ARHGEF11: variants seen among roughly 807,000 people sequenced by gnomAD.
ARHGEF11 encodes the protein Rho guanine nucleotide exchange factor 11.
ARHGEF11 carries 55 observed loss-of-function variants against 193.7 expected under a neutral mutation model. The ratio of observed to expected loss-of-function variants is 0.28; its 90% CI spans 0.23 to 0.36. The LOEUF is 0.36. ARHGEF11 is among the 10% of genes least tolerant of loss of function. The pLI, the probability that ARHGEF11 is intolerant of heterozygous loss-of-function variation, is 1.00. For synonymous variants in ARHGEF11, 693 were observed against 768.0 expected, an observed-to-expected ratio of 0.90 and a Z score of 1.62; for missense variants, 1,723 against 2,005.6, an observed-to-expected ratio of 0.86 and a Z score of 2.69.
At position 156,936,073 on chromosome 1, in the gene ARHGEF11, T is replaced by G. The variant is rs1296181148; in HGVS notation, c.4631-15A>C. The G allele has an allele frequency of 1.9e-6, 3 of 1,613,926 alleles. No homozygotes were observed. Among genetic ancestry groups the G allele is most frequent in the Non-Finnish European group, 2.5e-6 (3 of 1,179,876 alleles). On this transcript the variant is annotated splice_polypyrimidine_tract_variant and intron_variant, in intron 40 of 40. Transcript: ENST00000368194. The stretch of plus-strand genomic sequence containing the variant: ...GGCGTCAGAGCCTGTGGGAGGAGGA[T>G]GAAGGTGAGGAACTGGCCAGCCTGA...
At position 156,962,695 on chromosome 1, in the gene ARHGEF11, G is replaced by A. The variant is rs928463873; in HGVS notation, c.1140+508C>T. ...AGATCGAGACCATCCTGGCTAATAC[G>A]GTGAAACCCCGTCTCTACTAAAAAT... On this transcript the variant is annotated intron_variant, in intron 13 of 40. Transcript: ENST00000368194. Among the ~76,000 whole-genome samples the A allele has an allele frequency of 4.6e-5, 7 of 151,784 alleles. No homozygotes were observed. In the South Asian group the frequency reaches 1.0e-3, roughly 23 times the overall value.
At chr1:156,945,389 T>A (rs1421820796) in intron 29 of ARHGEF11, 192 bp from the exon 30 acceptor site, 1 of 596,672 alleles carries the variant, frequency 1.7e-6, no homozygotes, top group Admixed American at 3.1e-5. Flanking sequence ...CATCTTCAGG[T>A]CTCAGACAGA....
chr1:157,028,758 CA>C (rs1471088239), intron 1 of ARHGEF11, among the ~76,000 whole-genome samples: 1 of 152,102 alleles, frequency 6.6e-6, no homozygotes, highest in Non-Finnish European at 1.5e-5. Context: ...AAATAATCAA[CA>C]TAAAAAGATG....
chr1:156,956,241 C>T (rs983690196), intron 19 of ARHGEF11, among the ~76,000 whole-genome samples, 179 bp downstream of exon 19: 2 of 152,076 alleles, frequency 1.3e-5, no homozygotes, highest in South Asian at 2.1e-4. Context: ...CTCAGCCTCC[C>T]GATTAGCTGG....
At chr1:157,023,868 GA>G (rs1670305011) in intron 1 of ARHGEF11, among the ~76,000 whole-genome samples, 1 of 152,050 alleles carries the variant, frequency 6.6e-6, no homozygotes, top group South Asian at 2.1e-4. Flanking sequence ...AACCACTTTG[GA>G]AAAGTTTGGT....
chr1:157,011,976 T>C (rs1037762950), intron 1 of ARHGEF11, among the ~76,000 whole-genome samples: 1 of 152,192 alleles, frequency 6.6e-6, no homozygotes, highest in Non-Finnish European at 1.5e-5. Context: ...ATTCCACTCC[T>C]AGGTATATAC....
chr1:156,968,095 T>A lies in ARHGEF11; in HGVS notation c.855A>T (p.Ser285=). ...ESLMNRNSVL[S]DPGLDSPRTS... ...TTCGAGGACTGTCTAGCCCAGGGTC[T>A]GACAGTACCGAGTTCCGATTCATCA... is the stretch of plus-strand genomic sequence containing the variant. Residue 285 remains serine, a synonymous_variant, in exon 11 of 41, where the codon TCA becomes TCT. Coordinates refer to ENST00000368194, the MANE Select transcript of ARHGEF11 (RefSeq NM_198236.3). 1.2e-6 allele frequency: 2 copies of A among 1,613,320 alleles called. No individual in the cohort carries two copies. Among genetic ancestry groups the A allele is most frequent in the Non-Finnish European group, 1.7e-6 (2 of 1,179,378 alleles).
rs990165053 is a variant in ARHGEF11, at chr1:156,951,591, T to G, written c.1907A>C (p.Asp636Ala). The G allele has an allele frequency of 3.1e-6, 5 of 1,613,920 alleles. No homozygotes were observed. The Middle Eastern group carries it at 5.0e-4, about 160-fold the overall frequency. Residue 636 changes from aspartate to alanine, a missense_variant, in exon 22 of 41, where the codon GAC (aspartate) becomes GCC (alanine). Coordinates refer to ENST00000368194, the MANE Select transcript of ARHGEF11 (RefSeq NM_198236.3). ...QRLSTGSFPE[D>A]LLESDSSRSE... The stretch of plus-strand genomic sequence containing the variant: ...GTGCTACCTGTCACTCTCCAGCAGG[T>G]CCTCAGGAAAGCTTCCGGTCGAGAG...
In ARHGEF11 at chr1:156,958,883, G is replaced by A. The variant is rs1660350494; in HGVS notation, c.1380-19C>T. 2 of 1,613,868 alleles carry A rather than the reference G, an allele frequency of 1.2e-6. No homozygotes were observed. The highest frequency in any genetic ancestry group is 1.7e-5 in the Admixed American group (1 of 59,952). ...CTTCGTTCTAAGCCAGATAAACACAGGGAAAGAAAGAAATATACACAAATA... is the reference window on the plus strand; with the variant it reads ...CTTCGTTCTAAGCCAGATAAACACAAGGAAAGAAAGAAATATACACAAATA... On this transcript the variant is annotated intron_variant, in intron 16 of 40. Coordinates refer to ENST00000368194, the MANE Select transcript of ARHGEF11 (RefSeq NM_198236.3).
intron 1 of ARHGEF11, among the ~76,000 whole-genome samples, chr1:157,013,300 C>CACACACACACACACACACACACACACACA (rs1553228482): frequency 3.6e-4 from 48 of 133,892 alleles, no homozygotes; most frequent in African/African-American, 6.9e-4. Context: ...CACACACACA[C>CACACACACACACACACACACACACACACA]CAAGAACCTT....
chr1:156,955,322 C>T (rs1352817058), intron 20 of ARHGEF11, among the ~76,000 whole-genome samples: 1 of 152,180 alleles, frequency 6.6e-6, no homozygotes, highest in Non-Finnish European at 1.5e-5. Flanking sequence ...AACCATCCCC[C>T]GCCCGCATCT....
chr1:157,015,565 T>C (rs1307256885), intron 1 of ARHGEF11, among the ~76,000 whole-genome samples: 2 of 152,234 alleles, frequency 1.3e-5, no homozygotes, highest in Non-Finnish European at 2.9e-5. Context: ...TTAATGGTCT[T>C]TGAGCTACTT....
In ARHGEF11 at chr1:156,937,259, T is replaced by C; in HGVS notation, c.4430A>G (p.Asn1477Ser). The C allele has an allele frequency of 6.2e-7, 1 of 1,613,898 alleles. No homozygotes were observed. The highest frequency in any genetic ancestry group is 8.5e-7 in the Non-Finnish European group (1 of 1,179,914). Reference sequence around the variant, plus strand: ...CCCTGCTTCCCTCACCTTGAGCCTGTTGAGCTTGAGAGTGAGCTGCTCAAT... The same window carrying C: ...CCCTGCTTCCCTCACCTTGAGCCTGCTGAGCTTGAGAGTGAGCTGCTCAAT... ...HTIEQLTLKL[N>S]RLKDMELAHR... is the part of the protein sequence containing the mutation. The change falls in exon 39 of 41, where the codon AAC becomes AGC. Residue 1477 changes from asparagine to serine, a missense_variant. Coordinates refer to ENST00000368194, the MANE Select transcript of ARHGEF11 (RefSeq NM_198236.3).
At position 156,947,456 on chromosome 1, in the gene ARHGEF11, C is replaced by A. The variant is rs372931764; in HGVS notation, c.2342-6G>T. On this transcript the variant is annotated splice_polypyrimidine_tract_variant and splice_region_variant and intron_variant, in intron 25 of 40. Transcript: ENST00000368194. ...AGCTTCAGTCACAAACAGCTCTGAG[C>A]GGTGGTTGTGACAAGGAGGGTAGAA... 3 of 1,590,288 alleles carry A rather than the reference C, an allele frequency of 1.9e-6. No individual in the cohort carries two copies. Among genetic ancestry groups the A allele is most frequent in the Non-Finnish European group, 8.5e-7 (1 of 1,170,738 alleles).
intron 11 of ARHGEF11, among the ~76,000 whole-genome samples, chr1:156,964,660 C>T (rs549678426): frequency 2.0e-5 from 3 of 152,298 alleles, no homozygotes; most frequent in Non-Finnish European, 4.4e-5. Flanking sequence ...ACACTAGAGT[C>T]TAACACTCAT....
At chr1:157,018,155 C>T (rs1443390557) in intron 1 of ARHGEF11, among the ~76,000 whole-genome samples, 1 of 152,066 alleles carries the variant, frequency 6.6e-6, no homozygotes, top group Admixed American at 6.5e-5. Context: ...ACACTAAAAA[C>T]TACAAAACAT....
At chr1:157,034,628 G>A (rs778775193) in intron 1 of ARHGEF11, among the ~76,000 whole-genome samples, 8 of 152,184 alleles carry the variant, frequency 5.3e-5, no homozygotes, top group Non-Finnish European at 7.3e-5. Flanking sequence ...TTCGAGTCAG[G>A]AAAGAGCACA....
intron 11 of ARHGEF11, among the ~76,000 whole-genome samples, chr1:156,965,330 G>A (rs1394306566): frequency 1.3e-5 from 2 of 152,158 alleles, no homozygotes; most frequent in South Asian, 4.1e-4. Context: ...TACAAAGATA[G>A]GGGTATAGAG....
At chr1:157,029,167 CAAAAA>C (rs778433244) in intron 1 of ARHGEF11, among the ~76,000 whole-genome samples, 1 of 50,502 alleles carries the variant, frequency 2.0e-5, no homozygotes, top group Non-Finnish European at 4.2e-5. Flanking sequence ...GACCCTGTCT[CAAAAA>C]AAAAAAAAAA....
Sources: gnomAD v4.1 joint callset for allele counts (sites outside exome capture counted in the v4.1 genomes callset) on GRCh38, gnomAD v4.1.1 for gene constraint, MANE v1.5 for transcripts, NCBI Gene and HGNC (gene_info 2026-07-23, HGNC 2026-07-21) for gene names.